Variants in EVA1C observed in about 807,000 individuals in gnomAD.
EVA1C encodes eva-1 homolog C, also known as protein eva-1 homolog C.
EVA1C carries 25 observed loss-of-function variants against 45.4 expected under a neutral mutation model. The observed-to-expected ratio is 0.55, with a 90% confidence interval of 0.40 to 0.77. EVA1C has a LOEUF of 0.77. Ranked by LOEUF, EVA1C falls within the 30% of genes least tolerant of loss-of-function variation. The pLI is 0.00. For synonymous variants in EVA1C, 190 were observed against 221.2 expected (o/e 0.86, Z 1.25); for missense variants, 479 against 554.8 (o/e 0.86, Z 1.37).
At chr21:32,456,577 G>A (rs577507952) in intron 2 of EVA1C, among the ~76,000 whole-genome samples, 85 of 152,338 alleles carry the variant, frequency 5.6e-4, no homozygotes, top group African/African-American at 2.0e-3. Flanking sequence ...GGCGGGGCCA[G>A]CATTCTTCAC....
intron 4 of EVA1C, among the ~76,000 whole-genome samples, chr21:32,488,441 C>A (rs1356357805): frequency 6.6e-6 from 1 of 152,178 alleles, no homozygotes; most frequent in East Asian, 1.9e-4. Context: ...GTTTCCTTTT[C>A]TCCACACCCT....
At chr21:32,469,290 G>A (rs977062173) in intron 4 of EVA1C, among the ~76,000 whole-genome samples, 1 of 152,224 alleles carries the variant, frequency 6.6e-6, no homozygotes, top group African/African-American at 2.4e-5. Context: ...GGAAGGGCAG[G>A]TGGAGAAGGC....
chr21:32,483,593 G>C (rs1231705673), intron 4 of EVA1C, among the ~76,000 whole-genome samples: 1 of 152,146 alleles, frequency 6.6e-6, no homozygotes, highest in East Asian at 1.9e-4. Flanking sequence ...CAGAAGGATG[G>C]CAGCTTCACT....
At chr21:32,424,058 T>C (rs2034395593) in intron 1 of EVA1C, among the ~76,000 whole-genome samples, 1 of 152,164 alleles carries the variant, frequency 6.6e-6, no homozygotes, top group Non-Finnish European at 1.5e-5. Context: ...GAGTCCCTTT[T>C]CCCCTGCAAT....
chr21:32,495,009 G>T lies in EVA1C; in HGVS notation c.635-18G>T, dbSNP rs145839776. 2,937 of 1,612,634 alleles carry T rather than the reference G, an allele frequency of 1.8e-3. 34 individuals carry two copies. In the African/African-American group the frequency reaches 0.033, roughly 18 times the overall value. On this transcript the variant is annotated intron_variant, in intron 4 of 7. Transcript: ENST00000300255. ...TGTGGGATGCAACCTGAAGTTCTGG[G>T]TGTTTCCTGCCTTTCAGATTGCTTG...
chr21:32,415,061 G>A (rs543632069), intron 1 of EVA1C, among the ~76,000 whole-genome samples: 55 of 152,262 alleles, frequency 3.6e-4, no homozygotes, highest in African/African-American at 1.3e-3. Context: ...AAATTCCTAA[G>A]CTCCAAAGAT....
At chr21:32,491,363 A>T (rs1230843600) in intron 4 of EVA1C, among the ~76,000 whole-genome samples, 1 of 151,732 alleles carries the variant, frequency 6.6e-6, no homozygotes, top group Non-Finnish European at 1.5e-5. Flanking sequence ...GGGGTTGGGG[A>T]TCTTAAGCAG....
At chr21:32,440,816 T>C (rs1601264104) in intron 1 of EVA1C, among the ~76,000 whole-genome samples, 2 of 152,192 alleles carry the variant, frequency 1.3e-5, no homozygotes, top group South Asian at 4.1e-4. Flanking sequence ...GAGCTGTTCA[T>C]TGGGCCAGGC....
rs76913554 is a variant in EVA1C at position 32,511,917 on chromosome 21, C to T, written c.950-2897C>T. Among the ~76,000 whole-genome samples the T allele has an allele frequency of 5.3e-5, 8 of 152,094 alleles. No homozygotes were observed. In the East Asian group the frequency reaches 7.7e-4, roughly 15 times the overall value. On this transcript the variant is annotated intron_variant, in intron 7 of 7. Transcript: ENST00000300255. ...GGAGAGCAGGCAAATAAACAGTTCC[C>T]GACCCACCAGCAGGAGAGTGGGTGA...
At chr21:32,416,606 G>A (rs1187137809) in intron 1 of EVA1C, among the ~76,000 whole-genome samples, 1 of 152,038 alleles carries the variant, frequency 6.6e-6, no homozygotes, top group Non-Finnish European at 1.5e-5. Context: ...TGGGATTATA[G>A]GCATGAGCCA....
At chr21:32,425,173 C>A (rs1002584071) in intron 1 of EVA1C, among the ~76,000 whole-genome samples, 26 of 97,862 alleles carry the variant, frequency 2.7e-4, no homozygotes, top group Non-Finnish European at 3.8e-4. Context: ...AAACAAACAA[C>A]AACAACAAAA....
chr21:32,477,719 AC>A (rs2036619578), intron 4 of EVA1C, among the ~76,000 whole-genome samples: 1 of 11,512 alleles, frequency 8.7e-5, no homozygotes, highest in Non-Finnish European at 1.7e-4. Flanking sequence ...GTACGCCCTC[AC>A]CTCCCCCGTA....
At chr21:32,444,014 A>G (rs1391665714) in intron 1 of EVA1C, among the ~76,000 whole-genome samples, 2 of 151,968 alleles carry the variant, frequency 1.3e-5, no homozygotes. Context: ...AGACAGGGCC[A>G]CAGCCAGCAA....
At chr21:32,456,068 T>C (rs1219925729) in intron 2 of EVA1C, among the ~76,000 whole-genome samples, 2 of 152,134 alleles carry the variant, frequency 1.3e-5, no homozygotes, top group African/African-American at 4.8e-5. Flanking sequence ...ATTTTTGTAC[T>C]TTTAGTAGAG....
intron 4 of EVA1C, chr21:32,473,894 C>G (rs1161765612): frequency 1.2e-5 from 12 of 985,100 alleles, no homozygotes; most frequent in Non-Finnish European, 1.4e-5. Flanking sequence ...TCCTCAGGAC[C>G]CTTTGATTTT....
At chr21:32,450,732 G>A (rs1275319398) in intron 1 of EVA1C, among the ~76,000 whole-genome samples, 1 of 152,072 alleles carries the variant, frequency 6.6e-6, no homozygotes, top group East Asian at 1.9e-4. Context: ...ATGAGGGCCT[G>A]CCTGTGTGCC....
Position 32,457,735 on chromosome 21 carries a change from A to C in EVA1C, c.481+15A>C. On this transcript the variant is annotated intron_variant, in intron 3 of 7. Transcript: ENST00000300255. ...ATGCCAACCTAGTAAGTAACTTCGG[A>C]GGGGGACAGTGTGTTTGGGGTGTGG... The C allele has an allele frequency of 1.2e-6, 2 of 1,613,990 alleles. No homozygotes were observed. The highest frequency in any genetic ancestry group is 1.3e-5 in the African/African-American group (1 of 75,022).
rs762143762 is a variant in EVA1C, at chr21:32,453,502, C to T, written c.351C>T (p.Thr117=). The change falls in exon 2 of 8, where the codon ACC becomes ACT. Residue 117 remains threonine (T), a synonymous_variant. Coordinates refer to ENST00000300255, the MANE Select transcript of EVA1C (RefSeq NM_058187.5). ...GCTTAACCTGTGTGGCAGCCACCAC[C>T]TTCCAGGTATTGCCTTTTGTAGACA... ...EDSLTCVAAT[T]FQKVLDECQN... is the part of the protein sequence containing the mutation. 6.2e-7 allele frequency: 1 copy of T among 1,602,322 alleles called. No homozygotes were observed. Among genetic ancestry groups the T allele is most frequent in the African/African-American group, 1.3e-5 (1 of 74,826 alleles).
chr21:32,443,171 G>A (rs1010543246), intron 1 of EVA1C, among the ~76,000 whole-genome samples: 5 of 152,262 alleles, frequency 3.3e-5, no homozygotes, highest in Admixed American at 2.6e-4. Flanking sequence ...AGGGCTGGCC[G>A]CGAGTGTAAT....
Sources: gnomAD v4.1 joint callset for allele counts (sites outside exome capture counted in the v4.1 genomes callset) on GRCh38, gnomAD v4.1.1 for gene constraint, MANE v1.5 for transcripts, NCBI Gene and HGNC (gene_info 2026-07-23, HGNC 2026-07-21) for gene names.